Variants in CSMD1 observed in about 807,000 individuals in gnomAD.
CSMD1 encodes the protein CUB and Sushi multiple domains 1, also known as CUB and sushi domain-containing protein 1.
A neutral mutation model predicts 417.5 loss-of-function variants in CSMD1; 213 were observed. That is an observed-to-expected ratio of 0.51 (90% CI 0.46 to 0.57). CSMD1 has a LOEUF of 0.57. CSMD1 is among the 20% of genes least tolerant of loss of function. The probability of loss-of-function intolerance (pLI) is 0.00; values close to 1 mark genes in which losing one functional copy is unlikely to be tolerated. For synonymous variants in CSMD1, 2,862 were observed against 1,736.8 expected, an observed-to-expected ratio of 1.65 and a Z score of -16.11; for missense variants, 6,923 against 4,529.7, an observed-to-expected ratio of 1.53 and a Z score of -15.17.
At chr8:3,322,877 G>C (rs1806245512) in intron 23 of CSMD1, among the ~76,000 whole-genome samples, 1 of 152,186 alleles carries the variant, frequency 6.6e-6, no homozygotes. Flanking sequence ...AATGGCAAAT[G>C]CCTGACTTAG....
At chr8:3,830,182 T>A (rs2975378) in intron 5 of CSMD1, among the ~76,000 whole-genome samples, 103,108 of 152,074 alleles carry the variant, frequency 0.68, 35,015 homozygotes, top group East Asian at 0.78. Flanking sequence ...GAAGCTGATT[T>A]ATGAAGTGGA....
chr8:3,251,840 T>C (rs1160966960), intron 26 of CSMD1, among the ~76,000 whole-genome samples: 1 of 152,246 alleles, frequency 6.6e-6, no homozygotes, highest in Non-Finnish European at 1.5e-5. Context: ...TGAATGGCAG[T>C]TCACTCATGA....
intron 1 of CSMD1, among the ~76,000 whole-genome samples, chr8:4,897,171 G>C (rs894477426): frequency 3.9e-5 from 6 of 152,110 alleles, no homozygotes; most frequent in African/African-American, 1.5e-4. Flanking sequence ...GAGTGCAGAA[G>C]AGGAAGCTGT....
chr8:4,811,761 A>G (rs1446239065), intron 1 of CSMD1, among the ~76,000 whole-genome samples: 1 of 152,114 alleles, frequency 6.6e-6, no homozygotes, highest in African/African-American at 2.4e-5. Context: ...TCTCTTTCAA[A>G]CATTCAGTTT....
At chr8:3,431,406 T>C (rs1814209845) in intron 12 of CSMD1, among the ~76,000 whole-genome samples, 2 of 152,190 alleles carry the variant, frequency 1.3e-5, no homozygotes, top group Admixed American at 6.5e-5. Flanking sequence ...GTGCCGCTTT[T>C]GTATTCCCAG....
intron 1 of CSMD1, among the ~76,000 whole-genome samples, chr8:4,791,992 T>G (rs1797718015): frequency 6.6e-6 from 1 of 152,132 alleles, no homozygotes; most frequent in Non-Finnish European, 1.5e-5. Context: ...CTTTATAGTG[T>G]GTGTCTCAAA....
intron 1 of CSMD1, among the ~76,000 whole-genome samples, chr8:4,887,554 A>G (rs995291541): frequency 4.6e-5 from 7 of 152,000 alleles, no homozygotes; most frequent in African/African-American, 1.7e-4. Flanking sequence ...TTTGTTAACG[A>G]AAGTGGGATA....
intron 3 of CSMD1, among the ~76,000 whole-genome samples, chr8:4,280,259 C>G (rs962048413): frequency 1.3e-5 from 2 of 152,078 alleles, no homozygotes. Flanking sequence ...TTGTATATTG[C>G]AGTATTTGAT....
At chr8:3,086,108 G>C (rs1344953758) in intron 49 of CSMD1, among the ~76,000 whole-genome samples, 1 of 151,918 alleles carries the variant, frequency 6.6e-6, no homozygotes, top group African/African-American at 2.4e-5. Flanking sequence ...CAGATTCTAC[G>C]ACTCTGTTCT....
At position 3,449,623 on chromosome 8, in the gene CSMD1, T is replaced by A. The variant is rs564366752; in HGVS notation, c.1561+19089A>T. On this transcript the variant is annotated intron_variant, in intron 12 of 69. Coordinates refer to ENST00000635120, the MANE Select transcript of CSMD1 (RefSeq NM_033225.6). ...AACTCTGCCTCTTGGGTTCAAGCAA[T>A]ACTCCTGCCTCAGCCTCCCAAGTAG... is the stretch of plus-strand genomic sequence containing the variant. Among the ~76,000 whole-genome samples the A allele has an allele frequency of 2.0e-5, 3 of 151,940 alleles. No homozygotes were observed. The East Asian group carries it at 5.8e-4, about 29-fold the overall frequency.
chr8:4,976,662 T>C lies in CSMD1; in HGVS notation c.85+17670A>G, dbSNP rs79105058. Among the ~76,000 whole-genome samples, 975 of 152,266 alleles carry C rather than the reference T, an allele frequency of 6.4e-3. 12 individuals carry two copies. Among genetic ancestry groups the C allele is most frequent in the African/African-American group, 0.022 (930 of 41,544 alleles). ...TGCTATGACCCTCGTCCACCCTAAA[T>C]AGGATGAGAAGGTATTTTACTCCAG... On this transcript the variant is annotated intron_variant, in intron 1 of 69. Coordinates refer to ENST00000635120, the MANE Select transcript of CSMD1 (RefSeq NM_033225.6).
At chr8:3,860,601 A>G (rs558761541) in intron 5 of CSMD1, among the ~76,000 whole-genome samples, 1 of 152,304 alleles carries the variant, frequency 6.6e-6, no homozygotes, top group South Asian at 2.1e-4. Context: ...CACATCATAT[A>G]TGAACATAAG....
rs561546698 is a variant in CSMD1 at position 4,213,266 on chromosome 8, G to A, written c.416-181167C>T. On this transcript the variant is annotated intron_variant, in intron 3 of 69. Coordinates refer to ENST00000635120, the MANE Select transcript of CSMD1 (RefSeq NM_033225.6). ...GCTCCATTCTGTCAGCAAGTGAGGC[G>A]GGGTCCTGTCAGGTCTAATGAGCAG... 6.2e-4 allele frequency among the ~76,000 whole-genome samples: 94 copies of A among 152,210 alleles called. 1 individual carries two copies. Among genetic ancestry groups the A allele is most frequent in the African/African-American group, 1.9e-3 (79 of 41,520 alleles).
At chr8:3,523,721 G>A (rs1011490851) in intron 10 of CSMD1, among the ~76,000 whole-genome samples, 7 of 138,970 alleles carry the variant, frequency 5.0e-5, no homozygotes, top group Non-Finnish European at 9.3e-5. Flanking sequence ...ACACACATAT[G>A]CATGCACACT....
intron 3 of CSMD1, among the ~76,000 whole-genome samples, chr8:4,276,358 G>A (rs958517398): frequency 8.5e-5 from 13 of 152,168 alleles, no homozygotes; most frequent in Admixed American, 7.9e-4. Context: ...GTCATTGTCA[G>A]CAAACTATCA....
chr8:4,391,804 A>C (rs1455762155), intron 3 of CSMD1, among the ~76,000 whole-genome samples: 3 of 152,158 alleles, frequency 2.0e-5, no homozygotes, highest in Non-Finnish European at 4.4e-5. Context: ...GCTAAGCTCA[A>C]ATCATGGCAG....
chr8:3,274,873 T>A (rs182397555), intron 26 of CSMD1, among the ~76,000 whole-genome samples: 1 of 152,338 alleles, frequency 6.6e-6, no homozygotes, highest in Admixed American at 6.5e-5. Flanking sequence ...GGGTCTTGAC[T>A]CTGTGTCCAG....
intron 12 of CSMD1, among the ~76,000 whole-genome samples, chr8:3,442,844 A>G (rs746475514): frequency 1.5e-4 from 22 of 151,114 alleles, no homozygotes; most frequent in Non-Finnish European, 3.1e-4. Flanking sequence ...TTTTTTTGTT[A>G]TGTCTGTACC....
At chr8:3,177,294 A>T (rs1001744215) in intron 37 of CSMD1, among the ~76,000 whole-genome samples, 2 of 152,148 alleles carry the variant, frequency 1.3e-5, no homozygotes, top group Admixed American at 6.5e-5. Context: ...GGGCTATAAG[A>T]AAGCCTAGGG....
Sources: allele counts gnomAD v4.1 joint callset (sites outside exome capture counted in the v4.1 genomes callset), GRCh38; gene constraint gnomAD v4.1.1; transcripts MANE v1.5; gene names NCBI Gene and HGNC (gene_info 2026-07-23, HGNC 2026-07-21).